The following TGM6 variants were observed in gnomAD, a reference collection of about 807,000 sequenced individuals.
TGM6 encodes protein-glutamine gamma-glutamyltransferase 6.
A neutral mutation model predicts 77.5 loss-of-function variants in TGM6; 74 were observed. That is an observed-to-expected ratio of 0.96 (90% CI 0.79 to 1.16). The LOEUF (loss-of-function observed/expected upper bound fraction) is 1.16. Among genes scored for constraint, TGM6 ranks in the 50% most tolerant of loss-of-function variants. The pLI is 0.00. For missense variants in TGM6, 968 were observed against 940.2 expected (o/e 1.03, Z -0.39); for synonymous variants, 383 against 378.9 (o/e 1.01, Z -0.12).
At chr20:2,389,614 C>T (rs540307192) in intron 1 of TGM6, among the ~76,000 whole-genome samples, 1 of 152,234 alleles carries the variant, frequency 6.6e-6, no homozygotes, top group South Asian at 2.1e-4. Flanking sequence ...ACACATCTTA[C>T]CTACCTCTAT....
chr20:2,415,819 G>A (rs1390604879), intron 9 of TGM6, among the ~76,000 whole-genome samples: 2 of 152,168 alleles, frequency 1.3e-5, no homozygotes, highest in Non-Finnish European at 2.9e-5. Flanking sequence ...GACACCTGGG[G>A]GGCGCTGTCC....
Position 2,396,614 on chromosome 20 carries a change from A to T in TGM6, c.533A>T (p.Asn178Ile), listed in dbSNP as rs559046657. 3.1e-6 allele frequency: 5 copies of T among 1,614,196 alleles called. No individual in the cohort carries two copies. In the East Asian group the frequency reaches 8.9e-5, roughly 29 times the overall value. ...VEKHIRAQGWNYGQFEEDILN... is the reference protein window; with the variant it reads ...VEKHIRAQGWIYGQFEEDILN... Reference sequence around the variant, plus strand: ...AAGCACATACGAGCCCAGGGCTGGAACTACGGGCAGGTCTCCAGGGGCACA... The same window carrying T: ...AAGCACATACGAGCCCAGGGCTGGATCTACGGGCAGGTCTCCAGGGGCACA... The change falls in exon 4 of 13, where the codon AAC (asparagine) becomes ATC (isoleucine). Residue 178 changes from asparagine to isoleucine, a missense_variant. Coordinates refer to ENST00000202625, the MANE Select transcript of TGM6 (RefSeq NM_198994.3).
intron 12 of TGM6, among the ~76,000 whole-genome samples, chr20:2,432,236 T>G (rs1250140962): frequency 6.6e-6 from 1 of 151,970 alleles, no homozygotes; most frequent in Non-Finnish European, 1.5e-5. Flanking sequence ...TTAGTAGAGA[T>G]GAGGTTTCAC....
chr20:2,409,490 T>A (rs898272329), intron 9 of TGM6, among the ~76,000 whole-genome samples: 1 of 152,102 alleles, frequency 6.6e-6, no homozygotes, highest in Non-Finnish European at 1.5e-5. Flanking sequence ...GGTGTGCAGA[T>A]CACCTGAGGT....
Position 2,417,212 on chromosome 20 carries a change from C to T in TGM6, c.1337-20C>T, listed in dbSNP as rs529551212. ...GGAGCAAGGGGGTGCCTGCCGCTGA[C>T]GTTGTGTGATGCCCTGCAGGGTCCC... On this transcript the variant is annotated intron_variant, in intron 9 of 12. Transcript: ENST00000202625. 7.0e-6 allele frequency: 11 copies of T among 1,577,466 alleles called. No individual in the cohort carries two copies. The highest frequency in any genetic ancestry group is 3.5e-5 in the South Asian group (3 of 86,400).
At chr20:2,416,235 AAAAC>A (rs1234449771) in intron 9 of TGM6, among the ~76,000 whole-genome samples, 5 of 152,322 alleles carry the variant, frequency 3.3e-5, no homozygotes, top group African/African-American at 9.6e-5. Context: ...TCCTGTCTCA[AAAAC>A]AAACAGACAA....
chr20:2,388,950 G>C (rs1380472953), intron 1 of TGM6, among the ~76,000 whole-genome samples: 1 of 152,130 alleles, frequency 6.6e-6, no homozygotes, highest in Non-Finnish European at 1.5e-5. Flanking sequence ...TCACAGGGTG[G>C]TCATATCAGT....
chr20:2,405,810 G>A (rs1054930045), intron 9 of TGM6, among the ~76,000 whole-genome samples: 4 of 152,172 alleles, frequency 2.6e-5, no homozygotes, highest in African/African-American at 7.2e-5. Flanking sequence ...CCACTCCAAG[G>A]CTGGGAACTG....
At position 2,403,570 on chromosome 20, in the gene TGM6, C is replaced by T. The variant is rs1383068341; in HGVS notation, c.1094-11C>T. 1.1e-5 allele frequency: 17 copies of T among 1,614,086 alleles called. No individual in the cohort carries two copies. The highest frequency in any genetic ancestry group is 1.4e-5 in the Non-Finnish European group (16 of 1,180,046). ...TTACCCATGCTGCTCATGCCCACCC[C>T]TCCTGCCCAGGTGTGTTCCGGTGCG... On this transcript the variant is annotated splice_polypyrimidine_tract_variant and intron_variant, in intron 8 of 12. Coordinates refer to ENST00000202625, the MANE Select transcript of TGM6 (RefSeq NM_198994.3).
intron 10 of TGM6, among the ~76,000 whole-genome samples, chr20:2,425,764 CAT>C (rs2084883930): frequency 6.6e-6 from 1 of 152,090 alleles, no homozygotes. Flanking sequence ...TGTGGGTACA[CAT>C]ATTTTGATAC....
intron 1 of TGM6, among the ~76,000 whole-genome samples, chr20:2,386,996 T>C (rs1356562206): frequency 1.3e-5 from 2 of 152,238 alleles, no homozygotes; most frequent in African/African-American, 2.4e-5. Context: ...TGTTCTGGCC[T>C]GTCCCTACAT....
intron 9 of TGM6, among the ~76,000 whole-genome samples, chr20:2,414,934 T>TGGGGG (rs796313071): frequency 1.0e-4 from 3 of 28,728 alleles, no homozygotes; most frequent in African/African-American, 3.3e-4. Flanking sequence ...TTACAGAATT[T>TGGGGG]GGGGGGGGGG....
At chr20:2,381,007 C>G in intron 1 of TGM6, 32 bp downstream of exon 1, 1 of 1,607,408 alleles carries the variant, frequency 6.2e-7, no homozygotes, top group Non-Finnish European at 8.5e-7. Flanking sequence ...CCTTGGGACA[C>G]CAGGGCTCAT....
In TGM6 at chr20:2,394,534, G is replaced by A; in HGVS notation, c.90G>A (p.Leu30=). Residue 30 remains leucine, a synonymous_variant, in exon 2 of 13, where the codon CTG becomes CTA. Coordinates refer to ENST00000202625, the MANE Select transcript of TGM6 (RefSeq NM_198994.3). ...CCCAGGAGTACCCCTGCCCTGAGCT[G>A]GTGGTTCGCAGGGGCCAGTCGTTCA... ...HHTQEYPCPE[L]VVRRGQSFSL... The A allele has an allele frequency of 6.2e-7, 1 of 1,612,028 alleles. No homozygotes were observed.
chr20:2,408,601 G>A (rs2084766848), intron 9 of TGM6, among the ~76,000 whole-genome samples: 1 of 152,142 alleles, frequency 6.6e-6, no homozygotes, highest in Admixed American at 6.5e-5. Flanking sequence ...TGAATGAATT[G>A]GGGCCAACAG....
chr20:2,381,294 G>C (rs1412967705), intron 1 of TGM6, among the ~76,000 whole-genome samples: 1 of 152,132 alleles, frequency 6.6e-6, no homozygotes, highest in African/African-American at 2.4e-5. Context: ...AAATCTCCTT[G>C]CACCCCATGC....
chr20:2,427,720 A>G (rs2084897506), intron 10 of TGM6, among the ~76,000 whole-genome samples: 1 of 152,070 alleles, frequency 6.6e-6, no homozygotes, highest in African/African-American at 2.4e-5. Context: ...GCTGCAACCT[A>G]CAAGTTTGTG....
At chr20:2,401,973 C>T (rs190231254) in intron 7 of TGM6, among the ~76,000 whole-genome samples, 52 of 152,200 alleles carry the variant, frequency 3.4e-4, no homozygotes, top group African/African-American at 1.2e-3. Context: ...CGCGGTGGCT[C>T]GCACCTGTAA....
chr20:2,430,048 T>G (rs2084914166), intron 10 of TGM6, among the ~76,000 whole-genome samples: 1 of 152,224 alleles, frequency 6.6e-6, no homozygotes, highest in Non-Finnish European at 1.5e-5. Context: ...TCCTCTTCTC[T>G]GCTCCTAGCA....
Sources: gnomAD v4.1 joint callset for allele counts (sites outside exome capture counted in the v4.1 genomes callset) on GRCh38, gnomAD v4.1.1 for gene constraint, MANE v1.5 for transcripts, NCBI Gene and HGNC (gene_info 2026-07-23, HGNC 2026-07-21) for gene names.